Variants in ZBTB8A observed in about 807,000 individuals in gnomAD.
ZBTB8A encodes the protein zinc finger and BTB domain-containing protein 8A.
In ZBTB8A, 19 loss-of-function variants were observed where a neutral mutation model predicts 37.8. That is an observed-to-expected ratio of 0.50 (90% confidence interval 0.35 to 0.74). The LOEUF is 0.74. Ranked by LOEUF, ZBTB8A falls within the 30% of genes least tolerant of loss-of-function variation. ZBTB8A has a pLI of 0.01. For missense variants in ZBTB8A, 394 were observed against 537.8 expected, an observed-to-expected ratio of 0.73 and a Z score of 2.65; for synonymous variants, 181 against 185.2, an observed-to-expected ratio of 0.98 and a Z score of 0.19.
intron 2 of ZBTB8A, among the ~76,000 whole-genome samples, chr1:32,557,957 A>G (rs1045691998): frequency 1.3e-5 from 2 of 152,202 alleles, no homozygotes; most frequent in Non-Finnish European, 2.9e-5. Context: ...AGGAAAGGAG[A>G]ATATGTTGGT....
intron 2 of ZBTB8A, among the ~76,000 whole-genome samples, chr1:32,566,015 C>T (rs2148228295): frequency 6.6e-6 from 1 of 151,990 alleles, no homozygotes; most frequent in South Asian, 2.1e-4. Flanking sequence ...TCCTGGCTAA[C>T]ATGGTGAAAC....
At chr1:32,598,407 A>AT (rs540569208) in intron 4 of ZBTB8A, among the ~76,000 whole-genome samples, 41 of 147,480 alleles carry the variant, frequency 2.8e-4, no homozygotes, top group South Asian at 8.6e-4. Flanking sequence ...TAAGTTTTGT[A>AT]TTTTTTTTTA....
rs1557722262 is a variant in ZBTB8A, at chr1:32,603,600, A to G, written c.*3181A>G. 1 of 152,644 alleles carries G rather than the reference A, an allele frequency of 6.6e-6. No individual in the cohort carries two copies. The highest frequency in any genetic ancestry group is 1.5e-5 in the Non-Finnish European group (1 of 68,022). 9.5% of individuals were successfully genotyped at this position (152,644 alleles called of 1,614,324 possible). ...TGAACTTTTTTCCTATAAATGAAGT[A>G]GTGCTTGCATGTGTGTACTCTAATG... On this transcript the variant is annotated 3_prime_UTR_variant, in exon 5 of 5. Coordinates refer to ENST00000373510, the MANE Select transcript of ZBTB8A (RefSeq NM_001040441.3).
Position 32,600,075 on chromosome 1 carries a change from ATC to A in ZBTB8A, c.994-8_994-7del. 6.3e-7 allele frequency: 1 copy of A among 1,597,116 alleles called. No homozygotes were observed. Among genetic ancestry groups the A allele is most frequent in the East Asian group, 2.2e-5 (1 of 44,620 alleles). ...AAAAATCACTTTTATCACTATTTAA[ATC>A]TCTACACAGATTCACCAGGCATGTA... On this transcript the variant is annotated splice_polypyrimidine_tract_variant and intron_variant, in intron 4 of 4. Transcript: ENST00000373510.
intron 1 of ZBTB8A, among the ~76,000 whole-genome samples, chr1:32,552,135 G>A (rs7542646): frequency 1.3e-5 from 2 of 151,986 alleles, no homozygotes; most frequent in East Asian, 1.9e-4. Flanking sequence ...AGGCCGAAGT[G>A]GGGGGATCGC....
At chr1:32,544,672 G>T (rs751555040) in intron 1 of ZBTB8A, among the ~76,000 whole-genome samples, 3 of 152,198 alleles carry the variant, frequency 2.0e-5, no homozygotes, top group Admixed American at 6.5e-5. Context: ...ACTCCAGCCT[G>T]GGGGATAGAG....
chr1:32,576,846 T>C (rs1644364214), intron 2 of ZBTB8A, among the ~76,000 whole-genome samples: 1 of 151,284 alleles, frequency 6.6e-6, no homozygotes, highest in East Asian at 1.9e-4. Context: ...ATTACAGGCG[T>C]GAGCCACCAT....
At chr1:32,576,651 A>G (rs1259023056) in intron 2 of ZBTB8A, among the ~76,000 whole-genome samples, 1 of 150,956 alleles carries the variant, frequency 6.6e-6, no homozygotes, top group Non-Finnish European at 1.5e-5. Flanking sequence ...CTGGTCTCAA[A>G]CTCCTGACCT....
chr1:32,595,539 A>T (rs1254194180), intron 4 of ZBTB8A, among the ~76,000 whole-genome samples: 1 of 146,044 alleles, frequency 6.8e-6, no homozygotes, highest in Non-Finnish European at 1.5e-5. Flanking sequence ...AAGTGCTGGG[A>T]TTACAGGCAT....
chr1:32,600,615 A>C lies in ZBTB8A; in HGVS notation c.*196A>C, dbSNP rs776089355. 5.5e-6 allele frequency: 3 copies of C among 546,380 alleles called. No homozygotes were observed. The highest frequency in any genetic ancestry group is 9.7e-6 in the Non-Finnish European group (3 of 309,396). 33.8% of individuals were successfully genotyped at this position (546,380 alleles called of 1,614,324 possible). A position where few individuals can be genotyped will look rare whatever the true frequency, so the allele number is the denominator to read the frequency against. On this transcript the variant is annotated 3_prime_UTR_variant, in exon 5 of 5. Transcript: ENST00000373510. ...TTGTTGCCCTAAAATGTGTTGCTGC[A>C]CTGGAAAGAAAGAACTAGCTTGAGT...
chr1:32,585,331 A>G (rs1644439766), intron 2 of ZBTB8A, among the ~76,000 whole-genome samples: 1 of 151,972 alleles, frequency 6.6e-6, no homozygotes, highest in Non-Finnish European at 1.5e-5. Flanking sequence ...ATCTCTGGAT[A>G]AACCATTAGA....
intron 2 of ZBTB8A, among the ~76,000 whole-genome samples, chr1:32,566,503 C>T (rs188183080): frequency 1.3e-4 from 20 of 151,994 alleles, no homozygotes; most frequent in African/African-American, 3.6e-4. Flanking sequence ...CCAGCTTGGG[C>T]GACAGAGCAA....
intron 1 of ZBTB8A, among the ~76,000 whole-genome samples, chr1:32,549,168 G>A (rs72652154): frequency 0.11 from 17,305 of 151,684 alleles, 1,084 homozygotes; most frequent in African/African-American, 0.18. Flanking sequence ...AACCTGGAGG[G>A]CAGAGTCAGA....
chr1:32,560,999 A>AC (rs1644240241), intron 2 of ZBTB8A, among the ~76,000 whole-genome samples: 1 of 151,902 alleles, frequency 6.6e-6, no homozygotes, highest in African/African-American at 2.4e-5. Context: ...ACTGCCAATG[A>AC]TGTTCTTACT....
rs565030075 is a variant in ZBTB8A at position 32,586,373 on chromosome 1, A to G, written c.-1-6558A>G. Among the ~76,000 whole-genome samples the G allele has an allele frequency of 9.9e-4, 151 of 152,298 alleles. 2 individuals carry two copies. The highest frequency in any genetic ancestry group is 3.5e-3 in the African/African-American group (146 of 41,522). On this transcript the variant is annotated intron_variant, in intron 2 of 4. Coordinates refer to ENST00000373510, the MANE Select transcript of ZBTB8A (RefSeq NM_001040441.3). ...TTAACATTTTTGAATCATTCATTCAACAGCATTAATTGACTATCTGTTGTC... is the reference window on the plus strand; with the variant it reads ...TTAACATTTTTGAATCATTCATTCAGCAGCATTAATTGACTATCTGTTGTC...
intron 2 of ZBTB8A, among the ~76,000 whole-genome samples, chr1:32,571,433 T>C (rs1557709123): frequency 6.6e-6 from 1 of 152,338 alleles, no homozygotes; most frequent in East Asian, 1.9e-4. Context: ...AAATGTTTGT[T>C]CTGTGTCTGT....
At chr1:32,598,696 T>A (rs1323256217) in intron 4 of ZBTB8A, among the ~76,000 whole-genome samples, 1 of 152,198 alleles carries the variant, frequency 6.6e-6, no homozygotes, top group Non-Finnish European at 1.5e-5. Flanking sequence ...TTGAACAAAA[T>A]TGTTTATTAC....
intron 2 of ZBTB8A, among the ~76,000 whole-genome samples, chr1:32,556,591 T>C (rs1252343195): frequency 6.6e-6 from 1 of 151,450 alleles, no homozygotes; most frequent in Non-Finnish European, 1.5e-5. Flanking sequence ...AAAAGCAAGG[T>C]ATAGGGCCGG....
chr1:32,561,723 C>G (rs1339332686), intron 2 of ZBTB8A, among the ~76,000 whole-genome samples: 1 of 151,692 alleles, frequency 6.6e-6, no homozygotes, highest in African/African-American at 2.4e-5. Context: ...CAGTGTCCTC[C>G]TTTCTCCAGA....
Sources: allele counts gnomAD v4.1 joint callset (sites outside exome capture counted in the v4.1 genomes callset), GRCh38; gene constraint gnomAD v4.1.1; transcripts MANE v1.5; gene names NCBI Gene and HGNC (gene_info 2026-07-23, HGNC 2026-07-21).